Variants in BRINP3 observed in about 807,000 individuals in gnomAD.
BRINP3 encodes the protein BMP/retinoic acid-inducible neural-specific protein 3.
A neutral mutation model predicts 71.0 loss-of-function variants in BRINP3; 19 were observed. That is an observed-to-expected ratio of 0.27 (90% CI 0.19 to 0.39). BRINP3 has a LOEUF of 0.39. Among genes scored for constraint, BRINP3 ranks in the 10% least tolerant of loss-of-function variants. BRINP3 has a pLI of 1.00. For synonymous variants in BRINP3, 380 were observed against 337.7 expected, an observed-to-expected ratio of 1.13 and a Z score of -1.37; for missense variants, 959 against 940.8, an observed-to-expected ratio of 1.02 and a Z score of -0.25.
chr1:190,343,357 T>C (rs1210679243), intron 2 of BRINP3, among the ~76,000 whole-genome samples: 1 of 151,760 alleles, frequency 6.6e-6, no homozygotes, highest in East Asian at 1.9e-4. Flanking sequence ...TGCAGAAACT[T>C]TGCACAGTAA....
In BRINP3 at chr1:190,226,146, C is replaced by T. The variant is rs1182629607; in HGVS notation, c.897G>A (p.Met299Ile). Residue 299 changes from methionine (M) to isoleucine (I), a missense_variant, in exon 6 of 8, where the codon ATG becomes ATA. Coordinates refer to ENST00000367462, the MANE Select transcript of BRINP3 (RefSeq NM_199051.3). ...CNCPSMDIQA[M>I]EENLLRITET... ...CAGTTATTCGAAGAAGATTCTCTTC[C>T]ATGGCTTGAATGTCCATGGAGGGGC... 6.2e-7 allele frequency: 1 copy of T among 1,611,880 alleles called. No homozygotes were observed. The highest frequency in any genetic ancestry group is 1.1e-5 in the South Asian group (1 of 90,934).
chr1:190,103,743 T>TG (rs1024671311), intron 7 of BRINP3, among the ~76,000 whole-genome samples: 1 of 152,018 alleles, frequency 6.6e-6, no homozygotes, highest in African/African-American at 2.4e-5. Context: ...ATATGCATTT[T>TG]GGGGCTCCGT....
At chr1:190,286,474 A>G (rs1420434029) in intron 2 of BRINP3, among the ~76,000 whole-genome samples, 4 of 152,154 alleles carry the variant, frequency 2.6e-5, no homozygotes, top group Non-Finnish European at 4.4e-5. Context: ...GGCTTTCCCA[A>G]AACACAGAAT....
At position 190,342,024 on chromosome 1, in the gene BRINP3, T is replaced by G. The variant is rs1158380123; in HGVS notation, c.237-60274A>C. On this transcript the variant is annotated intron_variant, in intron 2 of 7. Coordinates refer to ENST00000367462, the MANE Select transcript of BRINP3 (RefSeq NM_199051.3). ...GGCCCTATTTCTGTGTTTTTTTTTT[T>G]GCAGTTTCTAGAGTACCCCACATTC... 4.9e-5 allele frequency among the ~76,000 whole-genome samples: 7 copies of G among 143,392 alleles called. No individual in the cohort carries two copies. The East Asian group carries it at 1.2e-3, about 25-fold the overall frequency. 94.1% of individuals were successfully genotyped at this position (143,392 alleles called of 152,430 possible).
intron 5 of BRINP3, among the ~76,000 whole-genome samples, chr1:190,227,016 A>G (rs1470250307): frequency 6.6e-6 from 1 of 151,920 alleles, no homozygotes; most frequent in Non-Finnish European, 1.5e-5. Context: ...ATATTGTAAA[A>G]TTAAGATTTG....
At chr1:190,364,859 G>A (rs2102147550) in intron 2 of BRINP3, among the ~76,000 whole-genome samples, 2 of 152,160 alleles carry the variant, frequency 1.3e-5, no homozygotes, top group Admixed American at 1.3e-4. Flanking sequence ...TTGAAGGAGA[G>A]AATGGAACAA....
In BRINP3 at chr1:190,177,061, T is replaced by A. The variant is rs570559080; in HGVS notation, c.962-16171A>T. On this transcript the variant is annotated intron_variant, in intron 6 of 7. Transcript: ENST00000367462. ...TGTATTACCACAGGATAACATGAGCTGACATATTTTTTTGCTACATCTCCA... is the reference window on the plus strand; with the variant it reads ...TGTATTACCACAGGATAACATGAGCAGACATATTTTTTTGCTACATCTCCA... 9.4e-4 allele frequency among the ~76,000 whole-genome samples: 143 copies of A among 151,924 alleles called. 1 individual carries two copies. The highest frequency in any genetic ancestry group is 1.6e-3 in the Non-Finnish European group (108 of 67,974).
chr1:190,244,092 G>T (rs1404356182), intron 4 of BRINP3, among the ~76,000 whole-genome samples: 3 of 151,930 alleles, frequency 2.0e-5, no homozygotes, highest in Non-Finnish European at 4.4e-5. Context: ...AATATTAATA[G>T]AAATAAAGTG....
At chr1:190,383,736 G>A (rs1219037071) in intron 2 of BRINP3, among the ~76,000 whole-genome samples, 2 of 151,634 alleles carry the variant, frequency 1.3e-5, no homozygotes, top group African/African-American at 4.8e-5. Flanking sequence ...TAATTTCAGA[G>A]GATTATATGA....
chr1:190,099,297 T>TACACACACACACAC (rs56359524), intron 7 of BRINP3, among the ~76,000 whole-genome samples, 163 bp from the exon 8 acceptor site: 3 of 149,436 alleles, frequency 2.0e-5, no homozygotes, highest in African/African-American at 7.4e-5. Context: ...GACTATATAA[T>TACACACACACACAC]ACACACACAC....
chr1:190,443,304 C>G (rs1674959995), intron 2 of BRINP3, among the ~76,000 whole-genome samples: 1 of 150,854 alleles, frequency 6.6e-6, no homozygotes, highest in Non-Finnish European at 1.5e-5. Context: ...ACTCGGGAGG[C>G]TGAGGCAGGA....
At chr1:190,446,645 C>T (rs1226883356) in intron 2 of BRINP3, among the ~76,000 whole-genome samples, 1 of 151,992 alleles carries the variant, frequency 6.6e-6, no homozygotes, top group Non-Finnish European at 1.5e-5. Context: ...CTGATGTTTC[C>T]ATTTTGCTTT....
chr1:190,098,936 G>T lies in BRINP3; in HGVS notation c.1383C>A (p.Gly461=), dbSNP rs772629981. The T allele has an allele frequency of 3.7e-6, 6 of 1,614,064 alleles. No homozygotes were observed. Among genetic ancestry groups the T allele is most frequent in the Non-Finnish European group, 4.2e-6 (5 of 1,180,046 alleles). Residue 461 remains glycine, a synonymous_variant, in exon 8 of 8, where the codon GGC becomes GGA. Coordinates refer to ENST00000367462, the MANE Select transcript of BRINP3 (RefSeq NM_199051.3). ...TGAGCATGTAGCCGGTGTTGCAGGT[G>T]CCGCAGCGGGTGCGGTTGTCTGGTG... ...TCAPDNRTRC[G]TCNTGYMLSQ...
chr1:190,434,796 A>C (rs890505018), intron 2 of BRINP3, among the ~76,000 whole-genome samples: 1 of 152,160 alleles, frequency 6.6e-6, no homozygotes, highest in African/African-American at 2.4e-5. Context: ...TTGATTTATA[A>C]TACCCAAGCC....
intron 2 of BRINP3, among the ~76,000 whole-genome samples, chr1:190,373,886 C>T (rs1373067226): frequency 6.6e-6 from 1 of 150,544 alleles, no homozygotes; most frequent in African/African-American, 2.4e-5. Context: ...GACTATGCTA[C>T]ACTGCCTCCT....
chr1:190,212,726 G>T (rs187386091), intron 6 of BRINP3, among the ~76,000 whole-genome samples: 1 of 152,044 alleles, frequency 6.6e-6, no homozygotes, highest in African/African-American at 2.4e-5. Context: ...CATTACATAA[G>T]AGCCAGTGAC....
intron 6 of BRINP3, among the ~76,000 whole-genome samples, chr1:190,224,665 C>A (rs1168156548): frequency 6.6e-6 from 1 of 151,576 alleles, no homozygotes; most frequent in Non-Finnish European, 1.5e-5. Flanking sequence ...AGCCTCTGTA[C>A]AGTAAACAAT....
At chr1:190,225,450 G>A (rs1657265535) in intron 6 of BRINP3, among the ~76,000 whole-genome samples, 1 of 151,912 alleles carries the variant, frequency 6.6e-6, no homozygotes, top group African/African-American at 2.4e-5. Flanking sequence ...TGAAGATAGA[G>A]AGTAGAACGG....
chr1:190,412,792 C>T (rs953158182), intron 2 of BRINP3, among the ~76,000 whole-genome samples: 2 of 151,664 alleles, frequency 1.3e-5, no homozygotes, highest in Non-Finnish European at 2.9e-5. Flanking sequence ...TTAAACCACA[C>T]TATACATTTT....
Sources: allele counts gnomAD v4.1 joint callset (sites outside exome capture counted in the v4.1 genomes callset), GRCh38; gene constraint gnomAD v4.1.1; transcripts MANE v1.5; gene names NCBI Gene and HGNC (gene_info 2026-07-23, HGNC 2026-07-21).